The following TCF7L2 variants were observed in gnomAD, a reference collection of about 807,000 sequenced individuals.
TCF7L2 encodes the protein transcription factor 7-like 2.
TCF7L2 carries 23 observed loss-of-function variants against 77.9 expected under a neutral mutation model. The observed-to-expected ratio is 0.30, with a 90% CI of 0.21 to 0.42. The LOEUF (loss-of-function observed/expected upper bound fraction) is 0.42. Among genes scored for constraint, TCF7L2 ranks in the 10% least tolerant of loss-of-function variants. The probability of loss-of-function intolerance (pLI) is 1.00; values close to 1 mark genes in which losing one functional copy is unlikely to be tolerated. For synonymous variants in TCF7L2, 413 were observed against 340.2 expected (o/e 1.21, Z -2.36); for missense variants, 654 against 793.1 (o/e 0.82, Z 2.11).
intron 3 of TCF7L2, among the ~76,000 whole-genome samples, chr10:112,954,049 T>G (rs750246821): frequency 1.1e-4 from 16 of 152,178 alleles, no homozygotes; most frequent in Non-Finnish European, 2.1e-4. Context: ...GGTAGGCTGT[T>G]GTGTGTCATT....
At chr10:113,036,603 T>C (rs1201515269) in intron 4 of TCF7L2, among the ~76,000 whole-genome samples, 1 of 152,138 alleles carries the variant, frequency 6.6e-6, no homozygotes, top group East Asian at 1.9e-4. Context: ...GGAAAAACCC[T>C]AATGGGCCAT....
intron 5 of TCF7L2, among the ~76,000 whole-genome samples, chr10:113,048,323 C>G (rs2053810998): frequency 6.6e-6 from 1 of 152,140 alleles, no homozygotes; most frequent in Non-Finnish European, 1.5e-5. Flanking sequence ...TGCTGATTAA[C>G]TCTATGGATG....
At chr10:113,103,952 C>G (rs977106269) in intron 5 of TCF7L2, among the ~76,000 whole-genome samples, 1 of 152,198 alleles carries the variant, frequency 6.6e-6, no homozygotes, top group Admixed American at 6.5e-5. Context: ...TTTCTTAGCA[C>G]TGTGCTCTGA....
intron 11 of TCF7L2, 100 bp from the exon 12 acceptor site, chr10:113,157,921 T>C: frequency 8.1e-7 from 1 of 1,234,334 alleles, no homozygotes; most frequent in Non-Finnish European, 1.2e-6. Flanking sequence ...GAGATGGCAG[T>C]ATGGTCACTT....
In TCF7L2 at chr10:112,987,029, G is replaced by A. The variant is rs143913112; in HGVS notation, c.450+22405G>A. Among the ~76,000 whole-genome samples, 9 of 152,240 alleles carry A rather than the reference G, an allele frequency of 5.9e-5. No individual in the cohort carries two copies. The East Asian group carries it at 1.4e-3, about 23-fold the overall frequency. On this transcript the variant is annotated intron_variant, in intron 4 of 13. Coordinates refer to ENST00000627217, the MANE Select transcript of TCF7L2 (RefSeq NM_001146274.2). ...TTGCAAGGCTTAAGCTGAAGCATTCGCTGCTATGGTCGATCTAGGCTTTTG... is the reference window on the plus strand; with the variant it reads ...TTGCAAGGCTTAAGCTGAAGCATTCACTGCTATGGTCGATCTAGGCTTTTG...
chr10:112,964,480 A>C, intron 3 of TCF7L2, 76 bp from the exon 4 acceptor site: 1 of 1,387,166 alleles, frequency 7.2e-7, no homozygotes, highest in Non-Finnish European at 1.0e-6. Context: ...TTTGTCTGCT[A>C]TTCATAAACT....
chr10:112,986,292 T>C (rs2041529705), intron 4 of TCF7L2, among the ~76,000 whole-genome samples: 1 of 152,134 alleles, frequency 6.6e-6, no homozygotes, highest in South Asian at 2.1e-4. Context: ...TTGCCTTTCC[T>C]CCTTTCTTTG....
chr10:113,097,154 G>C (rs2061079583), intron 5 of TCF7L2, among the ~76,000 whole-genome samples: 1 of 152,156 alleles, frequency 6.6e-6, no homozygotes, highest in South Asian at 2.1e-4. Context: ...CCCAGCTCCT[G>C]CCTGCTAGGT....
intron 4 of TCF7L2, among the ~76,000 whole-genome samples, chr10:113,012,206 G>A (rs2046582750): frequency 1.3e-5 from 2 of 152,184 alleles, no homozygotes; most frequent in African/African-American, 2.4e-5. Context: ...GGGAATGCGA[G>A]CCATGCACCA....
At chr10:113,030,080 G>A (rs535369599) in intron 4 of TCF7L2, among the ~76,000 whole-genome samples, 23 of 151,954 alleles carry the variant, frequency 1.5e-4, no homozygotes, top group Admixed American at 2.0e-4. Flanking sequence ...GTCTCTACCC[G>A]CCTTCCCCAT....
chr10:112,969,499 CAA>C (rs1314760096), intron 4 of TCF7L2, among the ~76,000 whole-genome samples: 2 of 152,172 alleles, frequency 1.3e-5, no homozygotes, highest in Non-Finnish European at 2.9e-5. Flanking sequence ...GTTTATACAC[CAA>C]GAGTAGACTT....
chr10:113,139,492 A>G (rs937272944), intron 5 of TCF7L2, among the ~76,000 whole-genome samples: 4 of 152,170 alleles, frequency 2.6e-5, no homozygotes, highest in Non-Finnish European at 5.9e-5. Flanking sequence ...CTGGTTTCCA[A>G]AGCTCCATCT....
chr10:113,142,093 C>A (rs1391234909), intron 6 of TCF7L2, among the ~76,000 whole-genome samples: 1 of 152,212 alleles, frequency 6.6e-6, no homozygotes, highest in Non-Finnish European at 1.5e-5. Context: ...CAACCTCTGC[C>A]TCCCAGTTTT....
chr10:113,018,351 G>A (rs2047687774), intron 4 of TCF7L2, among the ~76,000 whole-genome samples: 2 of 151,584 alleles, frequency 1.3e-5, no homozygotes, highest in South Asian at 4.2e-4. Context: ...GGCAGTGTGA[G>A]TGGTCTTCTC....
At chr10:113,011,731 A>G (rs2046484541) in intron 4 of TCF7L2, among the ~76,000 whole-genome samples, 1 of 151,946 alleles carries the variant, frequency 6.6e-6, no homozygotes, top group South Asian at 2.1e-4. Flanking sequence ...GAGTATTACC[A>G]CCTTGAGTAT....
intron 8 of TCF7L2, among the ~76,000 whole-genome samples, 174 bp from the exon 9 acceptor site, chr10:113,150,824 A>G (rs2070598385): frequency 2.6e-5 from 4 of 152,186 alleles, no homozygotes; most frequent in South Asian, 2.1e-4. Context: ...TGACATTATG[A>G]GAATCATTAT....
At chr10:112,981,212 T>C (rs1293869236) in intron 4 of TCF7L2, among the ~76,000 whole-genome samples, 2 of 152,030 alleles carry the variant, frequency 1.3e-5, no homozygotes, top group African/African-American at 2.4e-5. Context: ...TGTGAAGCTG[T>C]TTCTCTCTGA....
intron 5 of TCF7L2, among the ~76,000 whole-genome samples, chr10:113,044,047 C>G (rs2052974573): frequency 6.6e-6 from 1 of 152,116 alleles, no homozygotes; most frequent in Non-Finnish European, 1.5e-5. Flanking sequence ...TTGGGGGTTT[C>G]CTTTTGAAGT....
chr10:113,100,081 G>T (rs1273981012), intron 5 of TCF7L2, among the ~76,000 whole-genome samples: 1 of 152,212 alleles, frequency 6.6e-6, no homozygotes, highest in Non-Finnish European at 1.5e-5. Context: ...TGACTTAGCT[G>T]AGAGGAAGGA....
Sources: gnomAD v4.1 joint callset for allele counts (sites outside exome capture counted in the v4.1 genomes callset) on GRCh38, gnomAD v4.1.1 for gene constraint, MANE v1.5 for transcripts, NCBI Gene and HGNC (gene_info 2026-07-23, HGNC 2026-07-21) for gene names.